GUCY1A2: variants seen among roughly 807,000 people sequenced by gnomAD.
The protein encoded by GUCY1A2 is guanylate cyclase 1 soluble subunit alpha 2.
A neutral mutation model predicts 63.5 loss-of-function variants in GUCY1A2; 27 were observed. The ratio of observed to expected loss-of-function variants is 0.43; its 90% CI spans 0.31 to 0.59. The LOEUF (loss-of-function observed/expected upper bound fraction) is 0.59, where lower values mean the gene tolerates loss of function less well. GUCY1A2 is among the 20% of genes least tolerant of loss of function. The pLI is 0.11. For missense variants in GUCY1A2, 768 were observed against 913.3 expected (o/e 0.84, Z 2.05); for synonymous variants, 364 against 343.5 (o/e 1.06, Z -0.66).
chr11:106,722,988 AT>A (rs1289409100), intron 6 of GUCY1A2, among the ~76,000 whole-genome samples: 7 of 152,216 alleles, frequency 4.6e-5, no homozygotes, highest in Non-Finnish European at 8.8e-5. Flanking sequence ...TATCACTATT[AT>A]TTATATGTTT....
chr11:106,724,314 G>A (rs1251319009), intron 6 of GUCY1A2, among the ~76,000 whole-genome samples: 1 of 152,222 alleles, frequency 6.6e-6, no homozygotes, highest in Non-Finnish European at 1.5e-5. Context: ...TACTTCTCAA[G>A]TTAAAAGGAA....
intron 4 of GUCY1A2, among the ~76,000 whole-genome samples, chr11:106,862,965 G>A (rs1292201420): frequency 1.3e-5 from 2 of 152,042 alleles, no homozygotes; most frequent in African/African-American, 4.8e-5. Flanking sequence ...GCCAACTTTA[G>A]GGCATTTGTG....
chr11:106,966,793 C>T (rs73553883), intron 3 of GUCY1A2, among the ~76,000 whole-genome samples: 9,804 of 152,014 alleles, frequency 0.064, 803 homozygotes, highest in East Asian at 0.27. Flanking sequence ...AATTTGGCAA[C>T]TGGAATATTA....
intron 4 of GUCY1A2, among the ~76,000 whole-genome samples, chr11:106,894,294 A>G (rs1444124140): frequency 1.3e-5 from 2 of 152,196 alleles, no homozygotes; most frequent in African/African-American, 4.8e-5. Flanking sequence ...GAGTGTCAAA[A>G]CACATGAGAC....
At chr11:106,869,476 A>G (rs1859642609) in intron 4 of GUCY1A2, among the ~76,000 whole-genome samples, 1 of 152,244 alleles carries the variant, frequency 6.6e-6, no homozygotes, top group Non-Finnish European at 1.5e-5. Context: ...TCAAAAGAAG[A>G]CATTTATGCA....
intron 7 of GUCY1A2, among the ~76,000 whole-genome samples, chr11:106,704,969 TAAA>T (rs1862882940): frequency 6.6e-6 from 1 of 151,576 alleles, no homozygotes; most frequent in Non-Finnish European, 1.5e-5. Context: ...CCATATCCCA[TAAA>T]AAACTTATCC....
At chr11:106,791,840 T>C (rs10890588) in intron 5 of GUCY1A2, among the ~76,000 whole-genome samples, 27,833 of 152,010 alleles carry the variant, frequency 0.18, 2,969 homozygotes, top group Middle Eastern at 0.25. Context: ...TTGGTTTTTA[T>C]ATATCTTATA....
At chr11:106,698,487 G>A (rs539475825) in intron 7 of GUCY1A2, among the ~76,000 whole-genome samples, 1 of 152,058 alleles carries the variant, frequency 6.6e-6, no homozygotes, top group African/African-American at 2.4e-5. Context: ...ATTTATAGAA[G>A]AATTGCAAAG....
chr11:106,983,860 TTAACTG>T (rs1216844524), intron 2 of GUCY1A2, among the ~76,000 whole-genome samples: 3 of 152,166 alleles, frequency 2.0e-5, no homozygotes, highest in Non-Finnish European at 2.9e-5. Context: ...CAAAATCCCT[TTAACTG>T]TAAGAAACAC....
intron 4 of GUCY1A2, among the ~76,000 whole-genome samples, chr11:106,892,979 G>A (rs994560346): frequency 6.6e-5 from 10 of 152,050 alleles, no homozygotes; most frequent in African/African-American, 1.2e-4. Context: ...AAAGTGGGGC[G>A]GATGTATTTC....
chr11:106,939,319 A>G (rs1565337646), intron 4 of GUCY1A2, 141 bp downstream of exon 4: 2 of 584,206 alleles, frequency 3.4e-6, no homozygotes, highest in Non-Finnish European at 6.1e-6. Flanking sequence ...CTTTTTACAT[A>G]CATCCAGGGA....
rs553333002 is a variant in GUCY1A2 at position 106,694,840 on chromosome 11, C to G, written c.1992-7084G>C. Among the ~76,000 whole-genome samples the G allele has an allele frequency of 1.2e-4, 19 of 152,220 alleles. No individual in the cohort carries two copies. In the South Asian group the frequency reaches 2.3e-3, roughly 18 times the overall value. The stretch of plus-strand genomic sequence containing the variant: ...TCATTTCAAGATATCCAGCTTAGAA[C>G]CTGATTTTTATCTCTTCTCATGATT... On this transcript the variant is annotated intron_variant, in intron 7 of 7. Coordinates refer to ENST00000526355, the MANE Select transcript of GUCY1A2 (RefSeq NM_000855.3).
chr11:106,752,348 A>C (rs1221621606), intron 6 of GUCY1A2, among the ~76,000 whole-genome samples: 1 of 152,188 alleles, frequency 6.6e-6, no homozygotes, highest in Non-Finnish European at 1.5e-5. Context: ...ATTATGGTTC[A>C]AAAAGGTTTA....
At chr11:106,941,480 G>T (rs72994107) in intron 3 of GUCY1A2, among the ~76,000 whole-genome samples, 7,300 of 152,190 alleles carry the variant, frequency 0.048, 253 homozygotes, top group Non-Finnish European at 0.073. Flanking sequence ...CTTTGACATT[G>T]GTTGAAATCA....
chr11:106,743,161 G>A (rs1487688302), intron 6 of GUCY1A2, among the ~76,000 whole-genome samples: 6 of 152,030 alleles, frequency 3.9e-5, no homozygotes, highest in African/African-American at 1.5e-4. Context: ...ACTACTGCCT[G>A]AGCTCAGGCT....
intron 5 of GUCY1A2, among the ~76,000 whole-genome samples, chr11:106,796,540 G>A (rs887398802): frequency 6.6e-6 from 1 of 152,092 alleles, no homozygotes; most frequent in Non-Finnish European, 1.5e-5. Context: ...ATGAAGCTTA[G>A]TTTGGCTGGA....
Position 106,687,208 on chromosome 11 carries a change from A to T in GUCY1A2, c.*341T>A, listed in dbSNP as rs1862541040. On this transcript the variant is annotated 3_prime_UTR_variant, in exon 8 of 8. Transcript: ENST00000526355. ...TGGCTCTCAAAAGTGGTACAAATAT[A>T]TAGGGAAAGATACTTGTATGTGTGA... is the stretch of plus-strand genomic sequence containing the variant. 7.6e-6 allele frequency: 2 copies of T among 262,218 alleles called. No homozygotes were observed. Among genetic ancestry groups the T allele is most frequent in the South Asian group, 1.2e-4 (1 of 8,436 alleles). The allele number at this position is 262,218 out of a possible 1,614,324, so 16.2% of individuals were successfully genotyped here.
At chr11:106,943,193 CACAG>C (rs1402091001) in intron 3 of GUCY1A2, among the ~76,000 whole-genome samples, 8 of 152,148 alleles carry the variant, frequency 5.3e-5, no homozygotes, top group African/African-American at 1.2e-4. Context: ...ATTCAGAAAG[CACAG>C]ACAAAGTAAT....
chr11:106,866,201 T>C (rs1427216536), intron 4 of GUCY1A2, among the ~76,000 whole-genome samples: 2 of 151,816 alleles, frequency 1.3e-5, no homozygotes, highest in East Asian at 1.9e-4. Flanking sequence ...TCAAATGAAA[T>C]AGTTAAATTG....
Sources: gnomAD v4.1 joint callset for allele counts (sites outside exome capture counted in the v4.1 genomes callset) on GRCh38, gnomAD v4.1.1 for gene constraint, MANE v1.5 for transcripts, NCBI Gene and HGNC (gene_info 2026-07-23, HGNC 2026-07-21) for gene names.